ZNF385D: variants seen among roughly 807,000 people sequenced by gnomAD.
ZNF385D encodes zinc finger protein 659.
ZNF385D carries 15 observed loss-of-function variants against 35.8 expected under a neutral mutation model. The ratio of observed to expected loss-of-function variants is 0.42; its 90% CI spans 0.28 to 0.64. The LOEUF (loss-of-function observed/expected upper bound fraction) is 0.64, where lower values mean the gene tolerates loss of function less well. ZNF385D is among the 30% of genes least tolerant of loss of function. The pLI is 0.23. For synonymous variants in ZNF385D, 212 were observed against 186.8 expected (o/e 1.13, Z -1.10); for missense variants, 474 against 494.6 (o/e 0.96, Z 0.39).
chr3:22,187,364 T>C (rs1246655040), intron 2 of ZNF385D, among the ~76,000 whole-genome samples: 1 of 152,162 alleles, frequency 6.6e-6, no homozygotes, highest in African/African-American at 2.4e-5. Context: ...TGATAACTAA[T>C]GGAGCACTTT....
Position 22,256,014 on chromosome 3 carries a change from A to G in ZNF385D, c.107-86979T>C, listed in dbSNP as rs142012530. Among the ~76,000 whole-genome samples the G allele has an allele frequency of 4.9e-4, 74 of 151,814 alleles. 1 individual carries two copies. In the East Asian group the frequency reaches 0.012, roughly 26 times the overall value. On this transcript the variant is annotated intron_variant, in intron 2 of 5. Coordinates refer to the ZNF385D transcript ENST00000494108. ...CTATTCAGCTGTCAGTGCTGCTAGA[A>G]TATAAGCAGGCACAAAAATTAGACA...
chr3:22,303,442 G>C (rs576526703), intron 2 of ZNF385D, among the ~76,000 whole-genome samples: 1 of 152,090 alleles, frequency 6.6e-6, no homozygotes, highest in Non-Finnish European at 1.5e-5. Context: ...GTGTGCCAAG[G>C]AGAGGTATTT....
Position 21,627,255 on chromosome 3 carries a change from G to A in ZNF385D, c.165+37631C>T, listed in dbSNP as rs1419182195. ...GTTCAAAGAGGTGTAGGGTGTGTGT[G>A]TGTGTGTGTGTGTGTGTGTGTGTGT... On this transcript the variant is annotated intron_variant, in intron 2 of 7. Transcript: ENST00000281523. Among the ~76,000 whole-genome samples, 4 of 142,258 alleles carry A rather than the reference G, an allele frequency of 2.8e-5. No individual in the cohort carries two copies. In the East Asian group the frequency reaches 8.0e-4, roughly 29 times the overall value. The allele number at this position is 142,258 out of a possible 152,430, so 93.3% of individuals were successfully genotyped here.
chr3:22,323,930 T>C (rs931641703), intron 2 of ZNF385D, among the ~76,000 whole-genome samples: 6 of 152,182 alleles, frequency 3.9e-5, no homozygotes, highest in Non-Finnish European at 7.4e-5. Flanking sequence ...TGCCTTTAAC[T>C]AATATATACT....
chr3:22,334,175 C>T (rs111299593), intron 2 of ZNF385D, among the ~76,000 whole-genome samples: 48 of 152,202 alleles, frequency 3.2e-4, no homozygotes, highest in Middle Eastern at 3.4e-3. Flanking sequence ...TATATTTAGG[C>T]TTTAAGCAAT....
chr3:21,781,140 C>G (rs1260770968), intron 3 of ZNF385D, among the ~76,000 whole-genome samples: 1 of 151,864 alleles, frequency 6.6e-6, no homozygotes, highest in Non-Finnish European at 1.5e-5. Context: ...GTAAGGTCAG[C>G]TATAGTGTTC....
At chr3:22,216,544 G>A (rs992766033) in intron 2 of ZNF385D, among the ~76,000 whole-genome samples, 1 of 152,084 alleles carries the variant, frequency 6.6e-6, no homozygotes, top group Non-Finnish European at 1.5e-5. Flanking sequence ...CATTGACCCA[G>A]ATGTGAAAAT....
chr3:21,759,341 C>A (rs2125581520), intron 3 of ZNF385D, among the ~76,000 whole-genome samples: 1 of 147,484 alleles, frequency 6.8e-6, no homozygotes, highest in South Asian at 2.1e-4. Flanking sequence ...GTCTGGGAGA[C>A]CAAGGACAAA....
intron 1 of ZNF385D, among the ~76,000 whole-genome samples, chr3:21,750,649 C>T (rs2070026893): frequency 6.6e-6 from 1 of 151,710 alleles, no homozygotes; most frequent in Admixed American, 6.6e-5. Flanking sequence ...AGTTTACCCC[C>T]CCGCCCCCTC....
chr3:21,656,207 G>A (rs1396831974), intron 2 of ZNF385D, among the ~76,000 whole-genome samples: 1 of 151,976 alleles, frequency 6.6e-6, no homozygotes, highest in East Asian at 1.9e-4. Flanking sequence ...CATTGCAGAA[G>A]AAATTCCAGC....
At chr3:22,174,546 G>A (rs1166478640) in intron 2 of ZNF385D, among the ~76,000 whole-genome samples, 1 of 152,096 alleles carries the variant, frequency 6.6e-6, no homozygotes, top group Non-Finnish European at 1.5e-5. Flanking sequence ...TTTTTTAAAA[G>A]TTGGCAGATA....
chr3:21,919,799 T>C (rs1283086622), intron 3 of ZNF385D, among the ~76,000 whole-genome samples: 1 of 152,224 alleles, frequency 6.6e-6, no homozygotes, highest in Non-Finnish European at 1.5e-5. Flanking sequence ...TTTTCTAGCA[T>C]CTTCCATTTT....
chr3:21,790,801 A>C (rs538493272), intron 3 of ZNF385D, among the ~76,000 whole-genome samples: 43 of 152,296 alleles, frequency 2.8e-4, no homozygotes, highest in Non-Finnish European at 4.3e-4. Flanking sequence ...TTTCTTAAGG[A>C]GTTTCCTTAT....
At chr3:22,198,723 A>C (rs1193074927) in intron 2 of ZNF385D, among the ~76,000 whole-genome samples, 1 of 152,248 alleles carries the variant, frequency 6.6e-6, no homozygotes, top group Non-Finnish European at 1.5e-5. Flanking sequence ...AAGACATGGT[A>C]AGTGAACACA....
chr3:22,085,265 C>T (rs9840052), intron 3 of ZNF385D, among the ~76,000 whole-genome samples: 54,898 of 151,900 alleles, frequency 0.36, 10,095 homozygotes, highest in Non-Finnish European at 0.39. Context: ...CATAAAAAAC[C>T]CTTCAAAAAA....
At position 21,990,387 on chromosome 3, in the gene ZNF385D, A is replaced by G. The variant is rs145623530; in HGVS notation, c.325+178430T>C. Among the ~76,000 whole-genome samples, 325 of 152,348 alleles carry G rather than the reference A, an allele frequency of 2.1e-3. 2 individuals carry two copies. Among genetic ancestry groups the G allele is most frequent in the African/African-American group, 7.5e-3 (310 of 41,588 alleles). On this transcript the variant is annotated intron_variant, in intron 3 of 5. Coordinates refer to the ZNF385D transcript ENST00000494108. ...GAAATCACTCTCCATTTTCTATCTT[A>G]CCAGGCTATGAACTTACCTAACTTC...
chr3:21,421,425 T>A lies in ZNF385D; in HGVS notation c.977A>T (p.Glu326Val). 1.2e-6 allele frequency: 2 copies of A among 1,613,034 alleles called. No homozygotes were observed. The highest frequency in any genetic ancestry group is 1.7e-6 in the Non-Finnish European group (2 of 1,179,262). ...PLGVKLVFSKEPSKPLAPRIL... is the reference protein window; with the variant it reads ...PLGVKLVFSKVPSKPLAPRIL... ...TCGTGGAGCCAATGGCTTTGAAGGT[T>A]CTTTTGAAAATACTAATTTTACCTG... Residue 326 changes from glutamate to valine, a missense_variant, in exon 8 of 8, where the codon GAA (glutamate) becomes GTA (valine). Transcript: ENST00000281523.
intron 3 of ZNF385D, among the ~76,000 whole-genome samples, chr3:21,950,379 G>T (rs4420894): frequency 6.6e-6 from 1 of 151,454 alleles, no homozygotes; most frequent in African/African-American, 2.4e-5. Flanking sequence ...CTTCATATCC[G>T]TTGCCCACTT....
At chr3:22,138,495 C>T (rs896922191) in intron 3 of ZNF385D, among the ~76,000 whole-genome samples, 24 of 151,728 alleles carry the variant, frequency 1.6e-4, no homozygotes, top group African/African-American at 5.6e-4. Context: ...CAGAACAGAG[C>T]CCTCAGAAAT....
Sources: gnomAD v4.1 joint callset for allele counts (sites outside exome capture counted in the v4.1 genomes callset) on GRCh38, gnomAD v4.1.1 for gene constraint, MANE v1.5 for transcripts, NCBI Gene and HGNC (gene_info 2026-07-23, HGNC 2026-07-21) for gene names.